MAP2K5: variants seen among roughly 807,000 people sequenced by gnomAD.
MAP2K5 encodes mitogen-activated protein kinase kinase 5.
Under a neutral mutation model 83.1 loss-of-function variants are expected in MAP2K5, and 49 were observed. That is an observed-to-expected ratio of 0.59 (90% CI 0.47 to 0.75). The LOEUF (loss-of-function observed/expected upper bound fraction) is 0.75, where lower values mean the gene tolerates loss of function less well. Among genes scored for constraint, MAP2K5 ranks in the 30% least tolerant of loss-of-function variants. MAP2K5 has a pLI of 0.00. For synonymous variants in MAP2K5, 202 were observed against 191.8 expected, an observed-to-expected ratio of 1.05 and a Z score of -0.44; for missense variants, 457 against 557.5, an observed-to-expected ratio of 0.82 and a Z score of 1.82.
At chr15:67,642,413 T>C in intron 9 of MAP2K5, 3 of 1,605,890 alleles carry the variant, frequency 1.9e-6, no homozygotes, top group South Asian at 2.2e-5. Context: ...GCTTCTGTTT[T>C]TAGGAGATGA....
rs2090351037 is a variant in MAP2K5 at position 67,782,838 on chromosome 15, A to G, written c.1242+10086A>G. 6.6e-6 allele frequency among the ~76,000 whole-genome samples: 1 copy of G among 152,190 alleles called. No homozygotes were observed. On this transcript the variant is annotated intron_variant, in intron 21 of 21. Coordinates refer to ENST00000178640, the MANE Select transcript of MAP2K5 (RefSeq NM_145160.3). The surrounding 1 kb of genome is among the most constrained non-coding windows in gnomAD (Gnocchi z 4.9). ...ACTGGAAAGTCCCTTCTCCAAAACA[A>G]GCTTTCCTCCCGTCAGGGAGGTCAG...
At chr15:67,733,922 T>C (rs2089282040) in intron 17 of MAP2K5, among the ~76,000 whole-genome samples, 1 of 152,234 alleles carries the variant, frequency 6.6e-6, no homozygotes, top group South Asian at 2.1e-4. Flanking sequence ...CCCTATATAC[T>C]ACATATCAAA....
chr15:67,648,787 G>T (rs2086891603), intron 11 of MAP2K5, among the ~76,000 whole-genome samples: 1 of 152,084 alleles, frequency 6.6e-6, no homozygotes, highest in African/African-American at 2.4e-5. Context: ...GTTTCACTGT[G>T]TTAGGATGGT....
rs543662708 is a variant in MAP2K5, at chr15:67,569,808, A to G, written c.252+6458A>G. Among the ~76,000 whole-genome samples the G allele has an allele frequency of 5.3e-5, 8 of 152,318 alleles. No homozygotes were observed. In the South Asian group the frequency reaches 8.3e-4, roughly 16 times the overall value. On this transcript the variant is annotated intron_variant, in intron 3 of 21. Transcript: ENST00000178640. ...GGACCACCAACATTTTGTCATTTAT[A>G]TGGCTCTGCTCCCAGTTCAGTTCCA...
At position 67,786,841 on chromosome 15, in the gene MAP2K5, T is replaced by C. The variant is rs1019697915; in HGVS notation, c.1242+14089T>C. 2.2e-4 allele frequency among the ~76,000 whole-genome samples: 34 copies of C among 152,168 alleles called. No individual in the cohort carries two copies. The highest frequency in any genetic ancestry group is 7.5e-4 in the African/African-American group (31 of 41,420). ...AGCACAGTGTCTGGCATAAAATAAG[T>C]GTTCAATAAATGGTAACCATTTTTA... is the stretch of plus-strand genomic sequence containing the variant. On this transcript the variant is annotated intron_variant, in intron 21 of 21. Transcript: ENST00000178640. The surrounding 1 kb of genome is among the most constrained non-coding windows in gnomAD (Gnocchi z 4.7).
rs988516603 is a variant in MAP2K5 at position 67,757,746 on chromosome 15, G to GACTA, written c.1134+9146_1134+9149dup. On this transcript the variant is annotated intron_variant, in intron 19 of 21. Coordinates refer to ENST00000178640, the MANE Select transcript of MAP2K5 (RefSeq NM_145160.3). This position sits in a 1 kb window ranked among gnomAD's most constrained non-coding sequence, Gnocchi z 4.9. ...GCCTGGGCTCTCGGAGGACCACAGT[G>GACTA]ACTATCATTTTAACCACTCACATAA... Among the ~76,000 whole-genome samples, 1 of 152,060 alleles carries GACTA rather than the reference G, an allele frequency of 6.6e-6. No individual in the cohort carries two copies. Among genetic ancestry groups the GACTA allele is most frequent in the African/African-American group, 2.4e-5 (1 of 41,382 alleles).
In MAP2K5 at chr15:67,629,161, A is replaced by G. The variant is rs562864932; in HGVS notation, c.546-1727A>G. On this transcript the variant is annotated intron_variant, in intron 8 of 21. Coordinates refer to ENST00000178640, the MANE Select transcript of MAP2K5 (RefSeq NM_145160.3). ...TTATTGCCAGGAAACAAAGCGTAGC[A>G]AAAGAGGAGAGCTAGAGAAGTGACG... The G allele has an allele frequency of 8.4e-6, 6 of 710,430 alleles. No homozygotes were observed. In the East Asian group the frequency reaches 1.3e-4, roughly 16 times the overall value. The allele number at this position is 710,430 out of a possible 1,614,324, so 44.0% of individuals were successfully genotyped here.
intron 9 of MAP2K5, among the ~76,000 whole-genome samples, chr15:67,634,385 A>AAAT (rs1383070846): frequency 1.3e-4 from 12 of 90,942 alleles, no homozygotes; most frequent in Non-Finnish European, 9.9e-5. Context: ...AAAAAAAAAA[A>AAAT]AAAAAAAAAA....
chr15:67,732,563 GAA>G (rs892341051), intron 17 of MAP2K5, among the ~76,000 whole-genome samples: 1 of 152,054 alleles, frequency 6.6e-6, no homozygotes, highest in Non-Finnish European at 1.5e-5. Context: ...TTAAAAAAAG[GAA>G]AAAAATCTGA....
intron 11 of MAP2K5, among the ~76,000 whole-genome samples, chr15:67,653,636 T>A (rs1203033937): frequency 6.6e-6 from 1 of 152,128 alleles, no homozygotes; most frequent in Non-Finnish European, 1.5e-5. Flanking sequence ...GACTTTTGGT[T>A]TCTTTGATTT....
In MAP2K5 at chr15:67,778,281, A is replaced by G. The variant is rs4539549; in HGVS notation, c.1242+5529A>G. Among the ~76,000 whole-genome samples the G allele has an allele frequency of 0.36, 54,655 of 152,066 alleles. 10,532 individuals carry two copies. Among genetic ancestry groups the G allele is most frequent in the Middle Eastern group, 0.45 (133 of 294 alleles). On this transcript the variant is annotated intron_variant, in intron 21 of 21. Coordinates refer to ENST00000178640, the MANE Select transcript of MAP2K5 (RefSeq NM_145160.3). The surrounding 1 kb of genome is among the most constrained non-coding windows in gnomAD (Gnocchi z 5.0). ...GATAGTATGGTTGGTTGTTCTCTCA[A>G]TTAATCAAGGTATATGATAAATTGC...
intron 19 of MAP2K5, among the ~76,000 whole-genome samples, chr15:67,762,078 A>G (rs2089959918): frequency 6.6e-6 from 1 of 152,264 alleles, no homozygotes; most frequent in African/African-American, 2.4e-5. Context: ...GGGTGAGCTC[A>G]TTTAATGGTT....
At chr15:67,579,577 T>C (rs1231484518) in intron 3 of MAP2K5, among the ~76,000 whole-genome samples, 6 of 152,212 alleles carry the variant, frequency 3.9e-5, no homozygotes, top group Admixed American at 1.3e-4. Flanking sequence ...CTTTTATCAG[T>C]GTGTAGCTAT....
chr15:67,634,382 A>AT (rs1157890256), intron 9 of MAP2K5, among the ~76,000 whole-genome samples: 7 of 61,694 alleles, frequency 1.1e-4, no homozygotes, highest in Non-Finnish European at 1.8e-4. Flanking sequence ...AAAAAAAAAA[A>AT]AAAAAAAAAA....
chr15:67,622,603 T>C (rs189453659), intron 8 of MAP2K5, among the ~76,000 whole-genome samples: 97 of 152,110 alleles, frequency 6.4e-4, no homozygotes. Context: ...CAAACATTTA[T>C]GAAGTGAGGA....
intron 11 of MAP2K5, among the ~76,000 whole-genome samples, chr15:67,651,939 T>A (rs1223165060): frequency 6.6e-6 from 1 of 152,234 alleles, no homozygotes; most frequent in East Asian, 1.9e-4. Flanking sequence ...GGAATTTCCA[T>A]ACTGTTTTCC....
At chr15:67,792,019 G>A (rs1001235717) in intron 21 of MAP2K5, among the ~76,000 whole-genome samples, 1 of 152,228 alleles carries the variant, frequency 6.6e-6, no homozygotes, top group Non-Finnish European at 1.5e-5. Flanking sequence ...GCACCAGGCA[G>A]AGGAGGGGCA....
intron 8 of MAP2K5, among the ~76,000 whole-genome samples, chr15:67,615,602 C>T (rs2086037923): frequency 6.6e-6 from 1 of 151,960 alleles, no homozygotes; most frequent in Admixed American, 6.6e-5. Flanking sequence ...GCCATTAGTC[C>T]TAAACGTGTT....
rs1483176649 is a variant in MAP2K5, at chr15:67,702,152, C to A, written c.973-1185C>A. Among the ~76,000 whole-genome samples the A allele has an allele frequency of 6.6e-6, 1 of 152,166 alleles. No homozygotes were observed. The highest frequency in any genetic ancestry group is 2.4e-5 in the African/African-American group (1 of 41,446). The stretch of plus-strand genomic sequence containing the variant: ...TATCCTTCTTTTATAGTGGATACAG[C>A]ACTCATAATGGTTAGTAATGTAAAC... On this transcript the variant is annotated intron_variant, in intron 15 of 21. Coordinates refer to ENST00000178640, the MANE Select transcript of MAP2K5 (RefSeq NM_145160.3). This position sits in a 1 kb window ranked among gnomAD's most constrained non-coding sequence, Gnocchi z 4.6.
Sources: gnomAD v4.1 joint callset for allele counts (sites outside exome capture counted in the v4.1 genomes callset) on GRCh38, gnomAD v4.1.1 for gene constraint, Gnocchi (gnomAD v3.1) non-coding constraint, MANE v1.5 for transcripts, NCBI Gene and HGNC (gene_info 2026-07-23, HGNC 2026-07-21) for gene names.